The following GABBR2 variants were observed in gnomAD, a reference collection of about 807,000 sequenced individuals.
GABBR2 encodes the protein G-protein coupled receptor 51.
GABBR2 carries 23 observed loss-of-function variants against 105.6 expected under a neutral mutation model. The observed-to-expected ratio is 0.22, with a 90% CI of 0.16 to 0.31. The LOEUF (loss-of-function observed/expected upper bound fraction) is 0.31, where lower values mean the gene tolerates loss of function less well. Among genes scored for constraint, GABBR2 ranks in the 10% least tolerant of loss-of-function variants. GABBR2 has a pLI of 1.00. For missense variants in GABBR2, 734 were observed against 1,245.5 expected (o/e 0.59, Z 6.18); for synonymous variants, 478 against 499.7 (o/e 0.96, Z 0.58).
At chr9:98,511,992 G>A (rs182769485) in intron 3 of GABBR2, among the ~76,000 whole-genome samples, 13 of 152,218 alleles carry the variant, frequency 8.5e-5, no homozygotes, top group South Asian at 6.2e-4. Context: ...CATGAACATC[G>A]ATGCAGAAAT....
intron 1 of GABBR2, among the ~76,000 whole-genome samples, chr9:98,662,824 A>G (rs901154817): frequency 6.6e-6 from 1 of 152,044 alleles, no homozygotes; most frequent in Non-Finnish European, 1.5e-5. Context: ...GTATCCCCCC[A>G]TCTCTTCCTG....
At chr9:98,411,180 G>A (rs1300398333) in intron 7 of GABBR2, among the ~76,000 whole-genome samples, 1 of 152,152 alleles carries the variant, frequency 6.6e-6, no homozygotes, top group Non-Finnish European at 1.5e-5. Context: ...TGTTGCTAAC[G>A]TCAAAGAAAG....
chr9:98,627,692 G>A (rs1031515392), intron 1 of GABBR2, among the ~76,000 whole-genome samples: 1 of 152,236 alleles, frequency 6.6e-6, no homozygotes, highest in Non-Finnish European at 1.5e-5. Flanking sequence ...GGGTCCGTGT[G>A]CTGGCTGATC....
At chr9:98,365,431 C>T (rs1564032826) in intron 12 of GABBR2, among the ~76,000 whole-genome samples, 5 of 152,158 alleles carry the variant, frequency 3.3e-5, no homozygotes, top group Admixed American at 2.0e-4. Context: ...CTACTAGACA[C>T]AAGACTAATC....
chr9:98,337,849 T>C (rs1049601666), intron 13 of GABBR2, among the ~76,000 whole-genome samples: 1 of 151,956 alleles, frequency 6.6e-6, no homozygotes. Context: ...CCTATTTTTT[T>C]AGTCTCTACT....
At chr9:98,296,262 T>G (rs1303707597) in intron 17 of GABBR2, among the ~76,000 whole-genome samples, 1 of 152,206 alleles carries the variant, frequency 6.6e-6, no homozygotes, top group Non-Finnish European at 1.5e-5. Context: ...CTCCAGAGGA[T>G]GCAGCAATCC....
intron 5 of GABBR2, among the ~76,000 whole-genome samples, chr9:98,479,113 T>C (rs1826856629): frequency 6.6e-6 from 1 of 152,216 alleles, no homozygotes; most frequent in Non-Finnish European, 1.5e-5. Flanking sequence ...ATTTTTCTCA[T>C]GGTCCTCCTT....
intron 3 of GABBR2, among the ~76,000 whole-genome samples, chr9:98,524,565 G>A (rs1827924621): frequency 6.6e-6 from 1 of 152,178 alleles, no homozygotes; most frequent in Non-Finnish European, 1.5e-5. Flanking sequence ...TTGCTCCTCT[G>A]CACTCTCCCT....
chr9:98,651,588 T>C (rs1454708791), intron 1 of GABBR2, among the ~76,000 whole-genome samples: 3 of 151,914 alleles, frequency 2.0e-5, no homozygotes. Flanking sequence ...ACACACACCA[T>C]CAACCTTGGC....
chr9:98,375,878 A>C (rs1021875600), intron 11 of GABBR2, among the ~76,000 whole-genome samples: 7 of 152,164 alleles, frequency 4.6e-5, no homozygotes, highest in Non-Finnish European at 4.4e-5. Flanking sequence ...GTTTCATCTG[A>C]AGGGTTCTAA....
intron 13 of GABBR2, among the ~76,000 whole-genome samples, chr9:98,331,055 T>C (rs1340566439): frequency 6.6e-6 from 1 of 152,212 alleles, no homozygotes; most frequent in Non-Finnish European, 1.5e-5. Context: ...TCAAGGTTCA[T>C]CAACGTTGTA....
chr9:98,361,019 C>A (rs547336324), intron 13 of GABBR2, among the ~76,000 whole-genome samples: 2 of 152,334 alleles, frequency 1.3e-5, no homozygotes, highest in South Asian at 2.1e-4. Context: ...ATTTCTTGAT[C>A]TCCTGGGCCC....
At chr9:98,699,437 C>T (rs1043729293) in intron 1 of GABBR2, among the ~76,000 whole-genome samples, 2 of 152,078 alleles carry the variant, frequency 1.3e-5, no homozygotes, top group African/African-American at 4.8e-5. Context: ...GAAAGCTCAC[C>T]CTCACATGGC....
At chr9:98,333,858 T>G (rs1490190484) in intron 13 of GABBR2, among the ~76,000 whole-genome samples, 1 of 152,218 alleles carries the variant, frequency 6.6e-6, no homozygotes, top group Middle Eastern at 3.2e-3. Context: ...TGTTGTATAT[T>G]TACCAGCTGT....
At chr9:98,611,643 G>A (rs1247952895) in intron 1 of GABBR2, among the ~76,000 whole-genome samples, 1 of 152,134 alleles carries the variant, frequency 6.6e-6, no homozygotes, top group East Asian at 1.9e-4. Context: ...ATCTGGATTT[G>A]GAAATGTTAA....
chr9:98,418,987 G>C (rs1296508329), intron 7 of GABBR2, among the ~76,000 whole-genome samples: 2 of 152,196 alleles, frequency 1.3e-5, no homozygotes, highest in Non-Finnish European at 2.9e-5. Context: ...AAATAGATTA[G>C]GCTCCACCAG....
intron 3 of GABBR2, among the ~76,000 whole-genome samples, chr9:98,500,444 G>A (rs538363698): frequency 2.0e-5 from 3 of 152,332 alleles, no homozygotes; most frequent in South Asian, 4.1e-4. Context: ...AGGAGACACA[G>A]ATTGACAGGG....
chr9:98,551,741 GTGGTGAGCTCA>G (rs1410833176), intron 2 of GABBR2, among the ~76,000 whole-genome samples: 2 of 152,226 alleles, frequency 1.3e-5, no homozygotes, highest in African/African-American at 4.8e-5. Flanking sequence ...GCAGAGAGAA[GTGGTGAGCTCA>G]TGCAGCTACG....
chr9:98,301,939 C>A (rs1295059570), intron 16 of GABBR2, among the ~76,000 whole-genome samples: 3 of 152,148 alleles, frequency 2.0e-5, no homozygotes, highest in African/African-American at 7.2e-5. Flanking sequence ...TTCTGTGAGC[C>A]CCCCAAAGGG....
Sources: gnomAD v4.1 joint callset for allele counts (sites outside exome capture counted in the v4.1 genomes callset) on GRCh38, gnomAD v4.1.1 for gene constraint, MANE v1.5 for transcripts, NCBI Gene and HGNC (gene_info 2026-07-23, HGNC 2026-07-21) for gene names.